NR2C1: variants seen among roughly 807,000 people sequenced by gnomAD.
NR2C1 encodes nuclear receptor subfamily 2 group C member 1.
Under a neutral mutation model 74.8 loss-of-function variants are expected in NR2C1, and 33 were observed. The ratio of observed to expected loss-of-function variants is 0.44; its 90% CI spans 0.33 to 0.59. NR2C1 has a LOEUF of 0.59. Among genes scored for constraint, NR2C1 ranks in the 20% least tolerant of loss-of-function variants. The pLI is 0.02. For synonymous variants in NR2C1, 225 were observed against 240.6 expected, an observed-to-expected ratio of 0.94 and a Z score of 0.60; for missense variants, 568 against 715.6, an observed-to-expected ratio of 0.79 and a Z score of 2.35.
In NR2C1 at chr12:95,049,128, T is replaced by C. The variant is rs1872658821; in HGVS notation, c.1071A>G (p.Ser357=). Residue 357 remains serine (S), a synonymous_variant, in exon 9 of 14, where the codon TCA becomes TCG. Transcript: ENST00000333003. ...CCTCTTTTTCGGTGTAATTTATGCT[T>C]GAATCTCCAGTGATTAGGTGTACAC... ...EGSVHLITGD[S]SINYTEKEGP... The C allele has an allele frequency of 6.2e-7, 1 of 1,614,062 alleles. No individual in the cohort carries two copies. Among genetic ancestry groups the C allele is most frequent in the Non-Finnish European group, 8.5e-7 (1 of 1,179,920 alleles).
intron 1 of NR2C1, among the ~76,000 whole-genome samples, chr12:95,071,077 T>C (rs765519320): frequency 2.6e-5 from 4 of 152,082 alleles, no homozygotes; most frequent in Non-Finnish European, 5.9e-5. Flanking sequence ...GGACGGCGCC[T>C]GTGATCCCAG....
intron 12 of NR2C1, among the ~76,000 whole-genome samples, chr12:95,027,302 A>G (rs1368245195): frequency 6.6e-6 from 1 of 152,058 alleles, no homozygotes; most frequent in Admixed American, 6.6e-5. Context: ...CAGTCCTCCC[A>G]TCTCAGCCTC....
Position 95,059,907 on chromosome 12 carries a change from T to C in NR2C1, c.363A>G (p.Ser121=). 1 of 1,579,228 alleles carries C rather than the reference T, an allele frequency of 6.3e-7. No individual in the cohort carries two copies. The highest frequency in any genetic ancestry group is 8.6e-7 in the Non-Finnish European group (1 of 1,169,036). ...DLCVVCGDKA[S]GRHYGAVTCE... is the part of the protein sequence containing the mutation. ...TTAGGAGGTTATTCTTAATGTTACCTGATGCTTTGTCTCCACATACTACGC... is the reference window on the plus strand; with the variant it reads ...TTAGGAGGTTATTCTTAATGTTACCCGATGCTTTGTCTCCACATACTACGC... The change falls in exon 4 of 14, where the codon TCA becomes TCG. Residue 121 remains serine (S), a splice_region_variant and synonymous_variant. Coordinates refer to ENST00000333003, the MANE Select transcript of NR2C1 (RefSeq NM_003297.4).
chr12:95,067,878 CTTTTTTTTTTTT>C (rs35730526), intron 1 of NR2C1, among the ~76,000 whole-genome samples: 2 of 110,012 alleles, frequency 1.8e-5, no homozygotes, highest in South Asian at 3.5e-4. Flanking sequence ...CTCCATGTAT[CTTTTTTTTTTTT>C]TTTTTTTTGA....
intron 7 of NR2C1, among the ~76,000 whole-genome samples, chr12:95,056,303 T>C (rs1424411900): frequency 1.3e-5 from 2 of 152,182 alleles, no homozygotes; most frequent in Non-Finnish European, 2.9e-5. Flanking sequence ...ACCCTGATCA[T>C]AGGCTTCCTA....
At position 95,021,846 on chromosome 12, in the gene NR2C1, A is replaced by T. The variant is rs1489093960; in HGVS notation, c.*383T>A. ...ACTCCTTAGGGATTTCTGACCATTAAGTATTTTTACTAGTTCATAATGAAG... is the reference window on the plus strand; with the variant it reads ...ACTCCTTAGGGATTTCTGACCATTATGTATTTTTACTAGTTCATAATGAAG... On this transcript the variant is annotated 3_prime_UTR_variant, in exon 14 of 14. Transcript: ENST00000333003. 6.5e-6 allele frequency: 1 copy of T among 154,492 alleles called. No individual in the cohort carries two copies. Among genetic ancestry groups the T allele is most frequent in the Non-Finnish European group, 1.4e-5 (1 of 69,680 alleles). 9.6% of individuals were successfully genotyped at this position (154,492 alleles called of 1,614,324 possible).
At chr12:95,058,547 C>T (rs1565868322) in intron 4 of NR2C1, 58 bp from the exon 5 acceptor site, 1 of 1,381,994 alleles carries the variant, frequency 7.2e-7, no homozygotes, top group Non-Finnish European at 1.0e-6. Flanking sequence ...ACAGAAATGA[C>T]ATAAGCCAAT....
chr12:95,040,676 C>A, intron 9 of NR2C1, 79 bp from the exon 10 acceptor site: 1 of 1,340,018 alleles, frequency 7.5e-7, no homozygotes, highest in Non-Finnish European at 1.0e-6. Flanking sequence ...AAAGTTTAAA[C>A]GTAACACATC....
chr12:95,060,514 G>C (rs766638609), intron 3 of NR2C1, among the ~76,000 whole-genome samples: 1 of 152,196 alleles, frequency 6.6e-6, no homozygotes, highest in Non-Finnish European at 1.5e-5. Flanking sequence ...AATTAGCTGG[G>C]TGTGGTGGAG....
intron 3 of NR2C1, among the ~76,000 whole-genome samples, chr12:95,061,555 G>A (rs553448858): frequency 1.3e-5 from 2 of 152,262 alleles, no homozygotes; most frequent in East Asian, 1.9e-4. Context: ...ATCTGTGACT[G>A]TATCCACTTT....
At position 95,020,780 on chromosome 12, in the gene NR2C1, T is replaced by A. The variant is rs1372194278; in HGVS notation, c.*1449A>T. On this transcript the variant is annotated 3_prime_UTR_variant, in exon 14 of 14. Transcript: ENST00000333003. The stretch of plus-strand genomic sequence containing the variant: ...AAAGAAACAGTTATCAGTATCAGGT[T>A]TGCTAAAAGAATAAATTACTGTGGA... 1 of 152,234 alleles carries A rather than the reference T, an allele frequency of 6.6e-6. No homozygotes were observed. 9.4% of individuals were successfully genotyped at this position (152,234 alleles called of 1,614,324 possible). A position where few individuals can be genotyped will look rare whatever the true frequency, so the allele number is the denominator to read the frequency against.
At chr12:95,037,752 G>GGGTGTGGTTGCA (rs1249527371) in intron 10 of NR2C1, among the ~76,000 whole-genome samples, 6 of 151,974 alleles carry the variant, frequency 3.9e-5, no homozygotes, top group African/African-American at 1.4e-4. Context: ...AAAATTAGCC[G>GGGTGTGGTTGCA]GGTGTGGTTG....
chr12:95,073,357 TG>T (rs1877039000), intron 1 of NR2C1, 22 bp downstream of exon 1: 1 of 152,214 alleles, frequency 6.6e-6, no homozygotes, highest in East Asian at 1.9e-4. Context: ...CGGTCGCTGG[TG>T]TCCCCACCCA....
chr12:95,061,136 G>C (rs138932174), intron 3 of NR2C1, among the ~76,000 whole-genome samples: 1 of 152,134 alleles, frequency 6.6e-6, no homozygotes, highest in African/African-American at 2.4e-5. Flanking sequence ...TACTCCTCAC[G>C]TAATTGTCAA....
chr12:95,048,217 C>T (rs910022002), intron 9 of NR2C1, among the ~76,000 whole-genome samples: 10 of 152,134 alleles, frequency 6.6e-5, no homozygotes, highest in African/African-American at 1.2e-4. Flanking sequence ...GGAGCAGCTG[C>T]ACCTGGCCAA....
intron 4 of NR2C1, among the ~76,000 whole-genome samples, chr12:95,059,421 T>C (rs1022990464): frequency 5.9e-5 from 9 of 151,684 alleles, no homozygotes; most frequent in African/African-American, 1.9e-4. Context: ...ATAAAGAACT[T>C]TGGGACCGGG....
At chr12:95,040,842 T>C (rs1020649206) in intron 9 of NR2C1, among the ~76,000 whole-genome samples, 1 of 152,220 alleles carries the variant, frequency 6.6e-6, no homozygotes, top group Non-Finnish European at 1.5e-5. Context: ...TCAACGATGA[T>C]ATTATCTGGT....
intron 3 of NR2C1, among the ~76,000 whole-genome samples, chr12:95,062,016 C>T (rs956658984): frequency 3.3e-5 from 5 of 152,228 alleles, no homozygotes; most frequent in South Asian, 2.1e-4. Context: ...TTGAAGCCAG[C>T]AGCTATAGTC....
At chr12:95,042,932 C>CAA (rs869036674) in intron 9 of NR2C1, among the ~76,000 whole-genome samples, 7,227 of 65,592 alleles carry the variant, frequency 0.11, 387 homozygotes, top group African/African-American at 0.22. Context: ...CCCATTTCTA[C>CAA]AAAAAAAAAA....
Sources: allele counts gnomAD v4.1 joint callset (sites outside exome capture counted in the v4.1 genomes callset), GRCh38; gene constraint gnomAD v4.1.1; transcripts MANE v1.5; gene names NCBI Gene and HGNC (gene_info 2026-07-23, HGNC 2026-07-21).